CPZ: variants seen among roughly 807,000 people sequenced by gnomAD.
CPZ encodes carboxypeptidase Z.
CPZ carries 103 observed loss-of-function variants against 61.8 expected under a neutral mutation model. The ratio of observed to expected loss-of-function variants is 1.67; its 90% CI spans 1.42 to 1.96. The LOEUF (loss-of-function observed/expected upper bound fraction) is 1.96, where lower values mean the gene tolerates loss of function less well. Ranked by LOEUF, CPZ falls within the 30% of genes most tolerant of loss-of-function variation. CPZ has a pLI of 0.00. For missense variants in CPZ, 1,461 were observed against 914.9 expected, an observed-to-expected ratio of 1.60 and a Z score of -7.70; for synonymous variants, 551 against 373.7, an observed-to-expected ratio of 1.47 and a Z score of -5.47.
At chr4:8,598,604 C>A (rs906055775) in intron 1 of CPZ, among the ~76,000 whole-genome samples, 1 of 152,260 alleles carries the variant, frequency 6.6e-6, no homozygotes, top group African/African-American at 2.4e-5. Flanking sequence ...TGCCCCCTCT[C>A]TGGCCAGGTG....
Position 8,592,859 on chromosome 4 carries a change from T to C in CPZ, c.26T>C (p.Leu9Pro), listed in dbSNP as rs1713890944. 6.6e-7 allele frequency: 1 copy of C among 1,515,390 alleles called. No homozygotes were observed. 93.9% of individuals were successfully genotyped at this position (1,515,390 alleles called of 1,614,324 possible). A position where few individuals can be genotyped will look rare whatever the true frequency, so the allele number is the denominator to read the frequency against. Residue 9 changes from leucine to proline, a missense_variant, in exon 1 of 11, where the codon CTC (leucine) becomes CCC (proline). Transcript: ENST00000360986. MPPPLPLL[L>P]LTVLVVAAAR... ...ATGCCGCCCCCGCTGCCGCTGCTGC[T>C]CCTTACAGTCCTGGTCGTCGCCGCT...
intron 1 of CPZ, among the ~76,000 whole-genome samples, chr4:8,596,652 C>T (rs932515452): frequency 1.3e-5 from 2 of 151,422 alleles, no homozygotes; most frequent in Non-Finnish European, 2.9e-5. Flanking sequence ...ATGAGGTAGA[C>T]GTGATCCTTA....
At chr4:8,600,635 G>T (rs1283000881) in intron 2 of CPZ, among the ~76,000 whole-genome samples, 1 of 152,248 alleles carries the variant, frequency 6.6e-6, no homozygotes, top group African/African-American at 2.4e-5. Flanking sequence ...GAGCAGAGAT[G>T]AGCCGGCTGA....
rs772863961 is a variant in CPZ, at chr4:8,611,997, TTCCTTA to T, written c.1228-27_1228-22del. ...CACAGGACGTCCTGCAGGGGACCCT[TTCCTTA>T]TCTGAGCCAGGTTTCTTTTCCAGAT... On this transcript the variant is annotated intron_variant, in intron 7 of 10. Coordinates refer to ENST00000360986, the MANE Select transcript of CPZ (RefSeq NM_001014447.3). 2.2e-5 allele frequency: 35 copies of T among 1,613,114 alleles called. No individual in the cohort carries two copies. The East Asian group carries it at 7.4e-4, about 34-fold the overall frequency.
At chr4:8,600,056 T>A (rs1714456718) in intron 2 of CPZ, 1 of 152,276 alleles carries the variant, frequency 6.6e-6, no homozygotes, top group Admixed American at 6.5e-5. Context: ...GTATTCTAAG[T>A]GGAGGCTTTC....
chr4:8,606,821 G>C lies in CPZ; in HGVS notation c.991G>C (p.Glu331Gln), dbSNP rs780639349. ...CCGAAATTTCCCGGACCTGACGTCC[G>C]AGTACTACCGGCTGGCGGAGACCCG... Reference protein sequence around the residue: ...LNRNFPDLTSEYYRLAETRGA... With the variant: ...LNRNFPDLTSQYYRLAETRGA... The change falls in exon 6 of 11, where the codon GAG becomes CAG. Residue 331 changes from glutamate to glutamine, a missense_variant. Coordinates refer to ENST00000360986, the MANE Select transcript of CPZ (RefSeq NM_001014447.3). The C allele has an allele frequency of 1.9e-6, 3 of 1,614,080 alleles. No homozygotes were observed. The highest frequency in any genetic ancestry group is 1.7e-6 in the Non-Finnish European group (2 of 1,180,002).
intron 9 of CPZ, among the ~76,000 whole-genome samples, chr4:8,617,321 C>T (rs1012513249): frequency 6.6e-6 from 1 of 152,178 alleles, no homozygotes. Flanking sequence ...TGAACAGTCA[C>T]TACGGCAGAG....
chr4:8,607,005 G>A (rs1342486665), intron 6 of CPZ, 107 bp downstream of exon 6: 31 of 1,313,326 alleles, frequency 2.4e-5, no homozygotes, highest in Non-Finnish European at 3.0e-5. Flanking sequence ...AGAGCCTGGT[G>A]CTCCCTCCCT....
chr4:8,614,474 G>C lies in CPZ; in HGVS notation c.1479G>C (p.Glu493Asp), dbSNP rs1305997154. ...ACATACTCTGGCAGCACAACAAGGA[G>C]TCACTCCTGAATTTCGTGGAGACGG... ...ALYILWQHNKESLLNFVETVH... is the reference protein window; with the variant it reads ...ALYILWQHNKDSLLNFVETVH... Residue 493 changes from glutamate (E) to aspartate (D), a missense_variant, in exon 9 of 11, where the codon GAG (glutamate) becomes GAC (aspartate). Transcript: ENST00000360986. 6.2e-7 allele frequency: 1 copy of C among 1,613,882 alleles called. No individual in the cohort carries two copies.
chr4:8,607,274 C>T lies in CPZ; in HGVS notation c.1076C>T (p.Pro359Leu), dbSNP rs376732104. ...CTCGTCTGTCCTGGGCAGGTGGCCC[C>T]GGAGACAAAGGCAATCATGAAGTGG... Reference protein sequence around the residue: ...PQHYWWGKVAPETKAIMKWMQ... With the variant: ...PQHYWWGKVALETKAIMKWMQ... The change falls in exon 7 of 11, where the codon CCG becomes CTG. Residue 359 changes from proline (P) to leucine (L), a missense_variant. Coordinates refer to ENST00000360986, the MANE Select transcript of CPZ (RefSeq NM_001014447.3). 1.9e-5 allele frequency: 30 copies of T among 1,613,950 alleles called. No individual in the cohort carries two copies. The highest frequency in any genetic ancestry group is 2.2e-5 in the East Asian group (1 of 44,870).
chr4:8,612,166 C>T lies in CPZ; in HGVS notation c.1363+4C>T, dbSNP rs762111353. The T allele has an allele frequency of 2.6e-5, 25 of 978,160 alleles. No homozygotes were observed. Among genetic ancestry groups the T allele is most frequent in the East Asian group, 2.0e-4 (4 of 19,582 alleles). 60.6% of individuals were successfully genotyped at this position (978,160 alleles called of 1,614,324 possible). A position where few individuals can be genotyped will look rare whatever the true frequency, so the allele number is the denominator to read the frequency against. ...GACTGGTACAGCTTCACGGGAGGTGCGGCTTCCGCAGGGCGGGACTGGGCG... is the reference window on the plus strand; with the variant it reads ...GACTGGTACAGCTTCACGGGAGGTGTGGCTTCCGCAGGGCGGGACTGGGCG... On this transcript the variant is annotated splice_donor_region_variant and intron_variant, in intron 8 of 10. Coordinates refer to ENST00000360986, the MANE Select transcript of CPZ (RefSeq NM_001014447.3).
chr4:8,594,392 G>A (rs1275183699), intron 1 of CPZ, among the ~76,000 whole-genome samples: 7 of 152,158 alleles, frequency 4.6e-5, no homozygotes, highest in Admixed American at 1.3e-4. Context: ...CTTCCCTGGT[G>A]GAAGATTCCC....
At chr4:8,615,160 A>C (rs1029596773) in intron 9 of CPZ, among the ~76,000 whole-genome samples, 4 of 151,078 alleles carry the variant, frequency 2.6e-5, no homozygotes, top group African/African-American at 7.4e-5. Context: ...CTGAGGGGTG[A>C]CTACTATCGT....
intron 4 of CPZ, among the ~76,000 whole-genome samples, chr4:8,605,574 TCCAGCCATCCAG>T (rs1158526399): frequency 2.7e-5 from 4 of 147,674 alleles, no homozygotes; most frequent in Admixed American, 6.6e-5. Context: ...TATCTATCCA[TCCAGCCATCCAG>T]CCAGCCATTA....
At chr4:8,602,624 A>G (rs1299469580) in intron 3 of CPZ, 1 of 152,320 alleles carries the variant, frequency 6.6e-6, no homozygotes, top group Non-Finnish European at 1.5e-5. Flanking sequence ...GGGTGACAGC[A>G]GTGGGGTCTT....
At chr4:8,608,655 C>T (rs13111789) in intron 7 of CPZ, among the ~76,000 whole-genome samples, 11 of 2,944 alleles carry the variant, frequency 3.7e-3, no homozygotes, top group South Asian at 0.023. Context: ...TGTGCGTGTG[C>T]ATGCATGTGC....
chr4:8,618,329 G>C, intron 9 of CPZ, 100 bp from the exon 10 acceptor site: 3 of 1,150,590 alleles, frequency 2.6e-6, no homozygotes, highest in Non-Finnish European at 3.9e-6. Context: ...GTTCCCCCTA[G>C]ATACCAAGCT....
Position 8,610,596 on chromosome 4 carries a change from C to A in CPZ, c.1228-1431C>A, listed in dbSNP as rs1030203943. Among the ~76,000 whole-genome samples, 5 of 152,312 alleles carry A rather than the reference C, an allele frequency of 3.3e-5. No homozygotes were observed. The East Asian group carries it at 9.6e-4, about 29-fold the overall frequency. ...GGATAAAGGCAGGTCAGAGGTGGGACACAGGTAGAATGTAGCAGATGTGGC... is the reference window on the plus strand; with the variant it reads ...GGATAAAGGCAGGTCAGAGGTGGGAAACAGGTAGAATGTAGCAGATGTGGC... On this transcript the variant is annotated intron_variant, in intron 7 of 10. Coordinates refer to ENST00000360986, the MANE Select transcript of CPZ (RefSeq NM_001014447.3).
chr4:8,618,731 C>T (rs1251086147), intron 10 of CPZ, among the ~76,000 whole-genome samples: 1 of 152,184 alleles, frequency 6.6e-6, no homozygotes, highest in Non-Finnish European at 1.5e-5. Context: ...GAAGAGCTTG[C>T]CCAGCCGTAG....
Sources: gnomAD v4.1 joint callset for allele counts (sites outside exome capture counted in the v4.1 genomes callset) on GRCh38, gnomAD v4.1.1 for gene constraint, MANE v1.5 for transcripts, NCBI Gene and HGNC (gene_info 2026-07-23, HGNC 2026-07-21) for gene names.